The following PPARGC1A variants were observed in gnomAD, a reference collection of about 807,000 sequenced individuals.
PPARGC1A encodes peroxisome proliferator-activated receptor gamma coactivator 1-alpha.
In PPARGC1A, 25 loss-of-function variants were observed where a neutral mutation model predicts 88.7. That is an observed-to-expected ratio of 0.28 (90% CI 0.21 to 0.39). The LOEUF (loss-of-function observed/expected upper bound fraction) is 0.39, where lower values mean the gene tolerates loss of function less well. Among genes scored for constraint, PPARGC1A ranks in the 10% least tolerant of loss-of-function variants. PPARGC1A has a pLI of 1.00. For missense variants in PPARGC1A, 880 were observed against 968.7 expected, an observed-to-expected ratio of 0.91 and a Z score of 1.22; for synonymous variants, 363 against 355.6, an observed-to-expected ratio of 1.02 and a Z score of -0.24.
the PPARGC1A span, among the ~76,000 whole-genome samples, chr4:23,995,329 T>C: frequency 6.6e-6 from 1 of 152,216 alleles, no homozygotes; most frequent in African/African-American, 2.4e-5. Flanking sequence ...CTTTCCCAGC[T>C]TGCCATGTGC....
chr4:24,182,110 G>A, the PPARGC1A span, among the ~76,000 whole-genome samples: 2 of 151,860 alleles, frequency 1.3e-5, no homozygotes, highest in African/African-American at 2.4e-5. Context: ...TTTAAGTCCC[G>A]CATGCATTAG....
chr4:24,407,001 C>A, the PPARGC1A span, among the ~76,000 whole-genome samples: 2 of 152,190 alleles, frequency 1.3e-5, no homozygotes, highest in Admixed American at 6.5e-5. Context: ...TTCTTGGGTT[C>A]TGTTCTTTTG....
the PPARGC1A span, among the ~76,000 whole-genome samples, chr4:24,284,455 A>C: frequency 6.6e-6 from 1 of 152,344 alleles, no homozygotes; most frequent in South Asian, 2.1e-4. Context: ...TCCTAGGGTC[A>C]ATGTTTACTT....
At chr4:23,903,859 C>T (rs989701825), upstream of PPARGC1A, 1 of 187,654 alleles carries the variant, frequency 5.3e-6, no homozygotes, top group Non-Finnish European at 1.0e-5. Flanking sequence ...TAGCAATCTA[C>T]ACACAAAACC....
At chr4:24,382,585 G>A in the PPARGC1A span, among the ~76,000 whole-genome samples, 27,717 of 152,174 alleles carry the variant, frequency 0.18, 2,710 homozygotes, top group Middle Eastern at 0.32. Context: ...AGGCTCGGAA[G>A]CCCTGTTTAG....
At chr4:23,889,477 G>T in intron 1 of PPARGC1A, 1 of 590,498 alleles carries the variant, frequency 1.7e-6, no homozygotes, top group Non-Finnish European at 2.1e-6. Flanking sequence ...GAGTCAAAAC[G>T]GACTATATTT....
the PPARGC1A span, among the ~76,000 whole-genome samples, chr4:24,059,317 G>T: frequency 6.6e-6 from 1 of 152,110 alleles, no homozygotes; most frequent in South Asian, 2.1e-4. Flanking sequence ...TTTGTCCAAC[G>T]TATCAATGCA....
At chr4:23,966,915 C>G in the PPARGC1A span, among the ~76,000 whole-genome samples, 1 of 152,194 alleles carries the variant, frequency 6.6e-6, no homozygotes, top group African/African-American at 2.4e-5. Context: ...ATACTGCCCA[C>G]TAGCTGTTGG....
At chr4:24,272,193 G>T in the PPARGC1A span, among the ~76,000 whole-genome samples, 1 of 152,096 alleles carries the variant, frequency 6.6e-6, no homozygotes, top group African/African-American at 2.4e-5. Flanking sequence ...TTTAGCTCAC[G>T]TGGGATATGA....
At chr4:23,831,925 C>T (rs933093310) in intron 2 of PPARGC1A, among the ~76,000 whole-genome samples, 174 bp from the exon 3 acceptor site, 9 of 152,010 alleles carry the variant, frequency 5.9e-5, no homozygotes, top group Non-Finnish European at 1.5e-5. Flanking sequence ...GTCCAAATGA[C>T]ACAATTAATG....
chr4:24,056,680 G>C, the PPARGC1A span, among the ~76,000 whole-genome samples: 4 of 152,104 alleles, frequency 2.6e-5, no homozygotes, highest in Admixed American at 2.6e-4. Context: ...TTAATGTCCT[G>C]ATCTGTAAAA....
At chr4:24,218,433 G>A in the PPARGC1A span, among the ~76,000 whole-genome samples, 1 of 152,382 alleles carries the variant, frequency 6.6e-6, no homozygotes, top group African/African-American at 2.4e-5. Flanking sequence ...GAAGGATACA[G>A]AGAAACTAGC....
At chr4:24,445,461 A>T in the PPARGC1A span, among the ~76,000 whole-genome samples, 1 of 152,246 alleles carries the variant, frequency 6.6e-6, no homozygotes, top group Non-Finnish European at 1.5e-5. Flanking sequence ...TATATTTTAC[A>T]CAGGCCCTGT....
the PPARGC1A span, among the ~76,000 whole-genome samples, chr4:23,996,622 G>A: frequency 3.3e-5 from 5 of 151,918 alleles, no homozygotes; most frequent in East Asian, 3.9e-4. Flanking sequence ...ACTTCCTAAT[G>A]TGTCTGTTTC....
the PPARGC1A span, among the ~76,000 whole-genome samples, chr4:23,921,012 T>C: frequency 6.6e-6 from 1 of 152,202 alleles, no homozygotes; most frequent in East Asian, 1.9e-4. Flanking sequence ...CTGGGGGTTC[T>C]TCCATAAAAG....
the PPARGC1A span, among the ~76,000 whole-genome samples, chr4:24,214,090 A>T: frequency 6.6e-6 from 1 of 152,218 alleles, no homozygotes; most frequent in East Asian, 1.9e-4. Context: ...ATTTCCTCCC[A>T]ATCTGGAATA....
upstream of PPARGC1A, among the ~76,000 whole-genome samples, chr4:23,901,211 A>T (rs1719304774): frequency 6.6e-6 from 1 of 152,098 alleles, no homozygotes; most frequent in Non-Finnish European, 1.5e-5. Flanking sequence ...ACTAAAAGAA[A>T]TATAAAAAAT....
chr4:24,284,630 G>A, the PPARGC1A span, among the ~76,000 whole-genome samples: 2 of 152,186 alleles, frequency 1.3e-5, no homozygotes, highest in African/African-American at 2.4e-5. Flanking sequence ...ACAGACTTGG[G>A]GACAGCTCTG....
the PPARGC1A span, among the ~76,000 whole-genome samples, chr4:24,387,914 G>GAA: frequency 3.1e-4 from 3 of 9,718 alleles, no homozygotes; most frequent in South Asian, 0.033. Flanking sequence ...GAGAAAGAAA[G>GAA]AAAGAAAGAA....
Sources: allele counts gnomAD v4.1 joint callset (sites outside exome capture counted in the v4.1 genomes callset), GRCh38; gene constraint gnomAD v4.1.1; transcripts MANE v1.5; gene names NCBI Gene and HGNC (gene_info 2026-07-23, HGNC 2026-07-21).